GPT2: variants seen among roughly 807,000 people sequenced by gnomAD.
GPT2 encodes glutamic--pyruvic transaminase 2.
Under a neutral mutation model 56.9 loss-of-function variants are expected in GPT2, and 30 were observed. The ratio of observed to expected loss-of-function variants is 0.53; its 90% CI spans 0.39 to 0.72. The LOEUF (loss-of-function observed/expected upper bound fraction) is 0.72, where lower values mean the gene tolerates loss of function less well. GPT2 is among the 30% of genes least tolerant of loss of function. The pLI is 0.00. For synonymous variants in GPT2, 271 were observed against 283.1 expected, an observed-to-expected ratio of 0.96 and a Z score of 0.43; for missense variants, 542 against 703.4, an observed-to-expected ratio of 0.77 and a Z score of 2.60.
intron 2 of GPT2, among the ~76,000 whole-genome samples, chr16:46,892,028 T>C (rs989064446): frequency 2.0e-5 from 3 of 152,082 alleles, no homozygotes; most frequent in Admixed American, 6.6e-5. Flanking sequence ...AAATGTGTCA[T>C]CTTACAACTG....
chr16:46,897,834 C>T (rs1960714044), intron 3 of GPT2, 97 bp downstream of exon 3: 1 of 997,498 alleles, frequency 1.0e-6, no homozygotes, highest in South Asian at 1.4e-5. Flanking sequence ...ATGTCCAGGC[C>T]CTCCCAGCCT....
intron 10 of GPT2, among the ~76,000 whole-genome samples, chr16:46,924,799 T>C (rs1961369564): frequency 6.6e-6 from 1 of 152,140 alleles, no homozygotes; most frequent in South Asian, 2.1e-4. Context: ...ATGCTGCTGC[T>C]CCCAAGGGCG....
At chr16:46,909,341 A>G (rs2143472095) in intron 5 of GPT2, among the ~76,000 whole-genome samples, 1 of 152,244 alleles carries the variant, frequency 6.6e-6, no homozygotes, top group Middle Eastern at 3.4e-3. Context: ...AGGGAGGTGG[A>G]GGTCTCACTG....
chr16:46,910,167 G>A (rs1444821748), intron 6 of GPT2, among the ~76,000 whole-genome samples: 1 of 152,040 alleles, frequency 6.6e-6, no homozygotes, highest in Non-Finnish European at 1.5e-5. Context: ...GATCACATGA[G>A]GTCAGAAATT....
chr16:46,929,350 G>A lies in GPT2; in HGVS notation c.*353G>A, dbSNP rs180825414. The A allele has an allele frequency of 1.1e-3, 292 of 263,878 alleles. No individual in the cohort carries two copies. The highest frequency in any genetic ancestry group is 5.9e-3 in the African/African-American group (272 of 46,360). The allele number at this position is 263,878 out of a possible 1,614,324, so 16.3% of individuals were successfully genotyped here. On this transcript the variant is annotated 3_prime_UTR_variant, in exon 12 of 12. Coordinates refer to ENST00000340124, the MANE Select transcript of GPT2 (RefSeq NM_133443.4). ...AGATCTGGAGAAATGAGCAGGTGTC[G>A]GGAAATGTGTGACTTAACCGTGGTG...
rs779978848 is a variant in GPT2, at chr16:46,909,670, A to C, written c.577-14A>C. On this transcript the variant is annotated splice_polypyrimidine_tract_variant and intron_variant, in intron 5 of 11. Transcript: ENST00000340124. ...AGTAGTGCTGGCTTTCTAGATGTGA[A>C]TTCTCTGTTGCAGACGATCCTGAAG... 3 of 1,608,980 alleles carry C rather than the reference A, an allele frequency of 1.9e-6. No homozygotes were observed. Among genetic ancestry groups the C allele is most frequent in the Middle Eastern group, 1.7e-4 (1 of 6,046 alleles).
In GPT2 at chr16:46,917,254, G is replaced by C. The variant is rs563280486; in HGVS notation, c.900+547G>C. Among the ~76,000 whole-genome samples, 12 of 152,244 alleles carry C rather than the reference G, an allele frequency of 7.9e-5. No individual in the cohort carries two copies. The South Asian group carries it at 2.5e-3, about 32-fold the overall frequency. ...TGGCCAGGCCCAGAGCATAGGGTGG[G>C]CCCTCTGCTTTCTTCTCCCAAACCT... On this transcript the variant is annotated intron_variant, in intron 7 of 11. Coordinates refer to ENST00000340124, the MANE Select transcript of GPT2 (RefSeq NM_133443.4).
intron 2 of GPT2, among the ~76,000 whole-genome samples, chr16:46,887,684 G>C (rs754163590): frequency 6.6e-6 from 1 of 152,126 alleles, no homozygotes; most frequent in Non-Finnish European, 1.5e-5. Context: ...CGTGACTCTT[G>C]GTGGTACCAA....
chr16:46,922,612 A>G (rs1282663451), intron 9 of GPT2, among the ~76,000 whole-genome samples, 196 bp downstream of exon 9: 1 of 152,096 alleles, frequency 6.6e-6, no homozygotes, highest in Non-Finnish European at 1.5e-5. Context: ...CATTGTTTGG[A>G]AGTAGGAGGA....
intron 2 of GPT2, among the ~76,000 whole-genome samples, chr16:46,895,814 T>G (rs1960675100): frequency 6.6e-6 from 1 of 152,202 alleles, no homozygotes; most frequent in East Asian, 1.9e-4. Context: ...ATTACAGGTG[T>G]GAGCCACCAC....
At chr16:46,896,379 T>C (rs144465278) in intron 2 of GPT2, among the ~76,000 whole-genome samples, 30 of 152,232 alleles carry the variant, frequency 2.0e-4, no homozygotes, top group Non-Finnish European at 3.4e-4. Context: ...CTGTGATCTC[T>C]CTTCTGTGCT....
chr16:46,892,958 A>G lies in GPT2; in HGVS notation c.244-4690A>G, dbSNP rs564434963. On this transcript the variant is annotated intron_variant, in intron 2 of 11. Transcript: ENST00000340124. ...TAGTATTTGCATATGACCTATGCAC[A>G]TCCTCCCGTATAATTAAATCATCTT... is the stretch of plus-strand genomic sequence containing the variant. Among the ~76,000 whole-genome samples, 40 of 152,278 alleles carry G rather than the reference A, an allele frequency of 2.6e-4. 1 individual carries two copies. The highest frequency in any genetic ancestry group is 6.8e-3 in the Middle Eastern group (2 of 294).
intron 10 of GPT2, among the ~76,000 whole-genome samples, 166 bp downstream of exon 10, chr16:46,924,710 G>A (rs547533190): frequency 1.3e-5 from 2 of 152,350 alleles, no homozygotes; most frequent in East Asian, 1.9e-4. Context: ...ACAGGTTCTT[G>A]GAGGCCCAGC....
chr16:46,884,917 A>T lies in GPT2; in HGVS notation c.202A>T (p.Ile68Phe). 6.5e-7 allele frequency: 1 copy of T among 1,538,060 alleles called. No individual in the cohort carries two copies. ...GGTGGAGTACGCCGTGCGGGGACCCATCGTGCTCAAGGCCGGCGAGATCGA... is the reference window on the plus strand; with the variant it reads ...GGTGGAGTACGCCGTGCGGGGACCCTTCGTGCTCAAGGCCGGCGAGATCGA... Reference protein sequence around the residue: ...KAVEYAVRGPIVLKAGEIELE... With the variant: ...KAVEYAVRGPFVLKAGEIELE... Residue 68 changes from isoleucine to phenylalanine, a missense_variant, in exon 2 of 12, where the codon ATC becomes TTC. Physicochemically the swap from Ile to Phe is conservative, Grantham distance 21 (BLOSUM62 0). Coordinates refer to ENST00000340124, the MANE Select transcript of GPT2 (RefSeq NM_133443.4).
chr16:46,920,555 C>T (rs1032701360), intron 8 of GPT2, among the ~76,000 whole-genome samples: 2 of 152,154 alleles, frequency 1.3e-5, no homozygotes, highest in African/African-American at 2.4e-5. Context: ...GTGTTCCCAA[C>T]GTGGTGGGGT....
chr16:46,913,428 C>T (rs1247528065), intron 6 of GPT2, among the ~76,000 whole-genome samples: 1 of 152,228 alleles, frequency 6.6e-6, no homozygotes, highest in Non-Finnish European at 1.5e-5. Flanking sequence ...GAAACCAGCC[C>T]TTCTCTGTCT....
chr16:46,897,784 G>T (rs1377402568), intron 3 of GPT2, 47 bp downstream of exon 3: 25 of 1,570,676 alleles, frequency 1.6e-5, no homozygotes, highest in Non-Finnish European at 2.2e-5. Flanking sequence ...AGGGCCCTGG[G>T]CTGGGCGGGC....
At chr16:46,886,961 G>A (rs986488765) in intron 2 of GPT2, among the ~76,000 whole-genome samples, 1 of 152,174 alleles carries the variant, frequency 6.6e-6, no homozygotes, top group African/African-American at 2.4e-5. Context: ...GTGAGTCTCA[G>A]TTCCCCGGCT....
At chr16:46,904,103 G>A (rs980988929) in intron 4 of GPT2, among the ~76,000 whole-genome samples, 1 of 152,244 alleles carries the variant, frequency 6.6e-6, no homozygotes, top group Non-Finnish European at 1.5e-5. Flanking sequence ...GAGTTTGGCA[G>A]TGGGTCCTCA....
Sources: allele counts gnomAD v4.1 joint callset (sites outside exome capture counted in the v4.1 genomes callset), GRCh38; gene constraint gnomAD v4.1.1; transcripts MANE v1.5; gene names NCBI Gene and HGNC (gene_info 2026-07-23, HGNC 2026-07-21).